Variants in SPATA24 observed in about 807,000 individuals in gnomAD.
SPATA24 encodes spermatogenesis-associated protein 24.
In SPATA24, 21 loss-of-function variants were observed where a neutral mutation model predicts 28.9. The ratio of observed to expected loss-of-function variants is 0.73; its 90% CI spans 0.52 to 1.05. The LOEUF is 1.05. SPATA24 is among the 50% of genes least tolerant of loss of function. SPATA24 has a pLI of 0.00. For missense variants in SPATA24, 215 were observed against 242.9 expected, an observed-to-expected ratio of 0.88 and a Z score of 0.76; for synonymous variants, 76 against 89.9, an observed-to-expected ratio of 0.85 and a Z score of 0.88.
chr5:139,394,946 C>CG, downstream of SPATA24: 1 of 1,520,904 alleles, frequency 6.6e-7, no homozygotes. Context: ...TCCGGCCCAA[C>CG]GTCCGGGGGC....
downstream of SPATA24, chr5:139,396,647 A>C: frequency 9.3e-6 from 14 of 1,501,712 alleles, no homozygotes; most frequent in Non-Finnish European, 1.2e-5. Flanking sequence ...ACAAAGACCC[A>C]GCTCCTCCCC....
chr5:139,403,734 G>A (rs184435968), intron 1 of SPATA24, among the ~76,000 whole-genome samples: 1 of 152,224 alleles, frequency 6.6e-6, no homozygotes, highest in East Asian at 1.9e-4. Flanking sequence ...ACGGAAGGGA[G>A]AATATGGCTT....
At chr5:139,399,275 A>ACACCG (rs1758774275) in intron 4 of SPATA24, among the ~76,000 whole-genome samples, 2 of 149,778 alleles carry the variant, frequency 1.3e-5, no homozygotes, top group African/African-American at 2.5e-5. Flanking sequence ...CGAGATCTCG[A>ACACCG]CACCGCACTC....
downstream of SPATA24, chr5:139,392,697 C>G (rs1265543259): frequency 1.5e-6 from 2 of 1,369,180 alleles, no homozygotes; most frequent in African/African-American, 3.1e-5. The surrounding 1 kb of genome is among the most constrained non-coding windows in gnomAD (Gnocchi z 5.8). Context: ...GCGATCGGAC[C>G]CCTGCTGGCC....
rs970484756 is a variant in SPATA24, at chr5:139,404,089, G to T, written c.-29C>A. ...CCGCCCCCGCCAGCTAGTTGGAAAT[G>T]GCTGCCTCGGGGGTGATCCTCGCCG... is the stretch of plus-strand genomic sequence containing the variant. On this transcript the variant is annotated 5_prime_UTR_variant, in exon 1 of 6. Transcript: ENST00000450845. 2 of 1,522,240 alleles carry T rather than the reference G, an allele frequency of 1.3e-6. No individual in the cohort carries two copies. The highest frequency in any genetic ancestry group is 1.4e-5 in the African/African-American group (1 of 72,494). 94.3% of individuals were successfully genotyped at this position (1,522,240 alleles called of 1,614,324 possible). A position where few individuals can be genotyped will look rare whatever the true frequency, so the allele number is the denominator to read the frequency against.
chr5:139,401,740 G>T lies in SPATA24; in HGVS notation c.385+15C>A, dbSNP rs1338923699. 6.4e-7 allele frequency: 1 copy of T among 1,551,334 alleles called. No individual in the cohort carries two copies. Among genetic ancestry groups the T allele is most frequent in the African/African-American group, 1.4e-5 (1 of 73,002 alleles). ...TTTATATAACCGTGGTGGAGAGCACGGGCCTCCCGCCTACCATTGCACTTG... is the reference window on the plus strand; with the variant it reads ...TTTATATAACCGTGGTGGAGAGCACTGGCCTCCCGCCTACCATTGCACTTG... On this transcript the variant is annotated intron_variant, in intron 4 of 5. Transcript: ENST00000450845.
downstream of SPATA24, chr5:139,396,707 G>GT: frequency 6.5e-7 from 1 of 1,548,284 alleles, no homozygotes; most frequent in Non-Finnish European, 8.7e-7. Flanking sequence ...CCAAGAGGGA[G>GT]GGAAGTAGCA....
At position 139,401,818 on chromosome 5, in the gene SPATA24, T is replaced by G. The variant is rs1441404486; in HGVS notation, c.322A>C (p.Ser108Arg). The G allele has an allele frequency of 1.3e-6, 2 of 1,550,394 alleles. No homozygotes were observed. Among genetic ancestry groups the G allele is most frequent in the Non-Finnish European group, 1.7e-6 (2 of 1,146,110 alleles). The stretch of plus-strand genomic sequence containing the variant: ...TCCTGAAGGACTTTGCTCTTGACAC[T>G]GGAGAGCCTGGGTGGGGAAGATAAG... ...EKLAFEKALS[S>R]VKSKVLQESS... is the part of the protein sequence containing the mutation. Residue 108 changes from serine (S) to arginine (R), a missense_variant, in exon 4 of 6, where the codon AGT becomes CGT. Transcript: ENST00000450845.
downstream of SPATA24, chr5:139,394,203 C>G (rs1758650831): frequency 1.3e-6 from 2 of 1,548,792 alleles, no homozygotes; most frequent in East Asian, 4.9e-5. Context: ...ACTTAGCCTT[C>G]TCCAGGACCA....
intron 4 of SPATA24, among the ~76,000 whole-genome samples, chr5:139,400,302 CTTTTTTTTTT>C (rs55789939): frequency 2.4e-5 from 3 of 125,112 alleles, no homozygotes; most frequent in African/African-American, 5.8e-5. Flanking sequence ...TTCATACCTA[CTTTTTTTTTT>C]TTTTTTTTTT....
At chr5:139,392,870 C>T (rs1758621980), downstream of SPATA24, 1 of 1,544,488 alleles carries the variant, frequency 6.5e-7, no homozygotes, top group Non-Finnish European at 8.7e-7. This position sits in a 1 kb window ranked among gnomAD's most constrained non-coding sequence, Gnocchi z 5.8. Context: ...AAGGCCAGGG[C>T]CCCAGGCAGG....
At chr5:139,396,746 A>G, downstream of SPATA24, 1 of 1,551,268 alleles carries the variant, frequency 6.4e-7, no homozygotes, top group Non-Finnish European at 8.7e-7. Context: ...CTCCCAGAGC[A>G]GAGAAGGCAG....
chr5:139,403,875 G>A (rs1296709080), intron 1 of SPATA24, 69 bp downstream of exon 1: 1 of 1,335,392 alleles, frequency 7.5e-7, no homozygotes, highest in Non-Finnish European at 1.0e-6. Context: ...CATCGGAACA[G>A]GTTCTGGCCC....
chr5:139,396,106 C>T, downstream of SPATA24: 1 of 895,732 alleles, frequency 1.1e-6, no homozygotes, highest in Non-Finnish European at 1.3e-6. Flanking sequence ...AAGAGCACTG[C>T]CCCCTCCTGT....
intron 1 of SPATA24, among the ~76,000 whole-genome samples, chr5:139,403,486 C>T (rs1164480776): frequency 1.3e-5 from 2 of 152,220 alleles, no homozygotes; most frequent in Non-Finnish European, 2.9e-5. Context: ...AAGGCAAAAG[C>T]TAAGGCATGT....
downstream of SPATA24, chr5:139,395,265 C>A: frequency 2.0e-6 from 1 of 501,530 alleles, no homozygotes; most frequent in Non-Finnish European, 3.2e-6. Flanking sequence ...CCTGTCCAGC[C>A]CCCATGCCCA....
downstream of SPATA24, chr5:139,396,638 CA>C: frequency 4.7e-6 from 7 of 1,487,892 alleles, no homozygotes; most frequent in Non-Finnish European, 6.2e-6. Flanking sequence ...TACCAGACAA[CA>C]AAGACCCAGC....
At chr5:139,394,514 C>T, downstream of SPATA24, 1 of 1,453,084 alleles carries the variant, frequency 6.9e-7, no homozygotes. Context: ...AGAGCCACCT[C>T]CACACACTCG....
rs1758851743 is a variant in SPATA24, at chr5:139,402,667, G to C, written c.144C>G (p.Val48=). ...CCACTGCCTGGAACTCTTCTTTACT[G>C]ACAAAATTTTCGTCCTGGAGAACCA... ...NVMVLQDENF[V]SKEEFQAVEK... The change falls in exon 2 of 6, where the codon GTC becomes GTG. Residue 48 remains valine, a synonymous_variant. Transcript: ENST00000450845. The C allele has an allele frequency of 6.4e-7, 1 of 1,551,734 alleles. No homozygotes were observed. The highest frequency in any genetic ancestry group is 1.2e-5 in the South Asian group (1 of 84,064).
Sources: allele counts gnomAD v4.1 joint callset (sites outside exome capture counted in the v4.1 genomes callset), GRCh38; gene constraint gnomAD v4.1.1; non-coding constraint Gnocchi (gnomAD v3.1); transcripts MANE v1.5; gene names NCBI Gene and HGNC (gene_info 2026-07-23, HGNC 2026-07-21).